Variants in C11orf21 observed in about 807,000 individuals in gnomAD.
The protein encoded by C11orf21 is uncharacterized protein C11orf21.
A neutral mutation model predicts 15.2 loss-of-function variants in C11orf21; 19 were observed. The ratio of observed to expected loss-of-function variants is 1.25; its 90% CI spans 0.87 to 1.84. The LOEUF is 1.84. C11orf21 is among the 40% of genes most tolerant of loss of function. The pLI is 0.00. For synonymous variants in C11orf21, 62 were observed against 66.8 expected (o/e 0.93, Z 0.35); for missense variants, 171 against 174.4 (o/e 0.98, Z 0.11).
At position 2,295,948 on chromosome 11, in the gene C11orf21, C is replaced by T. The variant is rs892600647; in HGVS notation, c.*2002G>A. On this transcript the variant is annotated 3_prime_UTR_variant, in exon 4 of 4. Coordinates refer to ENST00000381153, the MANE Select transcript of C11orf21 (RefSeq NM_001329958.2). The surrounding 1 kb of genome is among the most constrained non-coding windows in gnomAD (Gnocchi z 5.4). Reference sequence around the variant, plus strand: ...CTTTCACCAGATCAATGGCTGTAGACCAGGTGTCCGGGGATGCTTTGATTT... The same window carrying T: ...CTTTCACCAGATCAATGGCTGTAGATCAGGTGTCCGGGGATGCTTTGATTT... 7 of 152,260 alleles carry T rather than the reference C, an allele frequency of 4.6e-5. No homozygotes were observed. Among genetic ancestry groups the T allele is most frequent in the East Asian group, 1.9e-4 (1 of 5,184 alleles). The allele number at this position is 152,260 out of a possible 1,614,324, so 9.4% of individuals were successfully genotyped here. A position where few individuals can be genotyped will look rare whatever the true frequency, so the allele number is the denominator to read the frequency against.
At chr11:2,300,480 C>T (rs758704271) in intron 2 of C11orf21, 40 bp downstream of exon 2, 5 of 1,360,168 alleles carry the variant, frequency 3.7e-6, no homozygotes, top group Non-Finnish European at 5.0e-6. Context: ...GGCTCCCTGC[C>T]CCCGCTGGTG....
upstream of C11orf21, chr11:2,303,095 G>A: frequency 2.6e-6 from 2 of 758,466 alleles, no homozygotes; most frequent in South Asian, 1.8e-5. Flanking sequence ...GGGGCAGGGA[G>A]GGGCTGCCCT....
upstream of C11orf21, chr11:2,302,143 A>C: frequency 6.8e-7 from 1 of 1,468,798 alleles, no homozygotes; most frequent in Non-Finnish European, 9.0e-7. Context: ...AGAGGAGAGG[A>C]ACCGTCATGG....
rs945471268 is a variant in C11orf21 at position 2,300,838 on chromosome 11, A to G, written c.54-225T>C. On this transcript the variant is annotated intron_variant, in intron 1 of 3. Transcript: ENST00000381153. ...GAGAGGACGGGCTGCCCACTTGCAC[A>G]GCCCGGGGGCCTCCTGCCCCTAGAC... 2.4e-5 allele frequency: 35 copies of G among 1,444,314 alleles called. 1 individual carries two copies. The highest frequency in any genetic ancestry group is 3.1e-5 in the Non-Finnish European group (33 of 1,051,946). The allele number at this position is 1,444,314 out of a possible 1,614,324, so 89.5% of individuals were successfully genotyped here.
rs558084493 is a variant in C11orf21 at position 2,299,822 on chromosome 11, A to T, written c.148-115T>A. The T allele has an allele frequency of 2.8e-4, 168 of 608,816 alleles. No individual in the cohort carries two copies. In the African/African-American group the frequency reaches 2.8e-3, roughly 10 times the overall value. The allele number at this position is 608,816 out of a possible 1,614,324, so 37.7% of individuals were successfully genotyped here. ...GGTAAACACATATGCATGCACACAC[A>T]TCCACGTCTGCACACGCATCCACGC... On this transcript the variant is annotated intron_variant, in intron 2 of 3. Transcript: ENST00000381153.
At chr11:2,300,832 T>C in intron 1 of C11orf21, 1 of 1,474,162 alleles carries the variant, frequency 6.8e-7, no homozygotes, top group Non-Finnish European at 9.3e-7. Context: ...GGCTGCCCAC[T>C]TGCACAGCCC....
chr11:2,300,194 C>A (rs1393780962), intron 2 of C11orf21, among the ~76,000 whole-genome samples: 2 of 42,848 alleles, frequency 4.7e-5, no homozygotes, highest in Non-Finnish European at 8.4e-5. Flanking sequence ...TGAGGTTGGG[C>A]AGGGGCGTGT....
chr11:2,302,881 C>G, upstream of C11orf21: 1 of 1,613,676 alleles, frequency 6.2e-7, no homozygotes, highest in Non-Finnish European at 8.5e-7. Context: ...GTGACTCTTA[C>G]CTACTTCGGG....
chr11:2,299,964 G>A (rs1421929819), intron 2 of C11orf21, among the ~76,000 whole-genome samples: 2 of 150,736 alleles, frequency 1.3e-5, no homozygotes, highest in Non-Finnish European at 1.5e-5. Context: ...AGGCTCCTTG[G>A]TGGGGTAGGG....
At chr11:2,298,783 C>T (rs16928078) in intron 3 of C11orf21, among the ~76,000 whole-genome samples, 22,342 of 152,150 alleles carry the variant, frequency 0.15, 1,894 homozygotes, top group African/African-American at 0.24. Flanking sequence ...GTATCTGTGA[C>T]GCAGGTGTGG....
In C11orf21 at chr11:2,295,961, G is replaced by T. The variant is rs538653840; in HGVS notation, c.*1989C>A. Reference sequence around the variant, plus strand: ...AATGGCTGTAGACCAGGTGTCCGGGGATGCTTTGATTTGCCCCAGTGATCA... The same window carrying T: ...AATGGCTGTAGACCAGGTGTCCGGGTATGCTTTGATTTGCCCCAGTGATCA... On this transcript the variant is annotated 3_prime_UTR_variant, in exon 4 of 4. Transcript: ENST00000381153. This position sits in a 1 kb window ranked among gnomAD's most constrained non-coding sequence, Gnocchi z 5.4. 6.6e-6 allele frequency: 1 copy of T among 152,172 alleles called. No homozygotes were observed. Among genetic ancestry groups the T allele is most frequent in the Non-Finnish European group, 1.5e-5 (1 of 68,038 alleles). The allele number at this position is 152,172 out of a possible 1,614,324, so 9.4% of individuals were successfully genotyped here.
rs546102923 is a variant in C11orf21 at position 2,299,488 on chromosome 11, G to C, written c.367C>G (p.Arg123Gly). ...GGTAGAGGCTGCCACCTCCTGGCCC[G>C]AGGACACAGCTTTCCAGAGGAGGGG... ...AGPSSGKLCP[R>G]ARRWQPLPS The change falls in exon 3 of 4, where the codon CGG (arginine) becomes GGG (glycine). Residue 123 changes from arginine (R) to glycine (G), a missense_variant. Coordinates refer to ENST00000381153, the MANE Select transcript of C11orf21 (RefSeq NM_001329958.2). 1.3e-6 allele frequency: 2 copies of C among 1,550,244 alleles called. No individual in the cohort carries two copies. Among genetic ancestry groups the C allele is most frequent in the African/African-American group, 1.4e-5 (1 of 73,038 alleles).
chr11:2,300,866 G>A (rs545082618), intron 1 of C11orf21: 1 of 1,126,854 alleles, frequency 8.9e-7, no homozygotes, highest in South Asian at 1.4e-5. Flanking sequence ...CCCTAGACCT[G>A]GTACCTTCAC....
upstream of C11orf21, chr11:2,302,001 C>G: frequency 6.7e-7 from 1 of 1,503,136 alleles, no homozygotes; most frequent in Non-Finnish European, 8.8e-7. Flanking sequence ...GGGCACCCAG[C>G]AGCTCGGTCC....
At chr11:2,302,287 C>T (rs530261831), upstream of C11orf21, 271 of 1,320,580 alleles carry the variant, frequency 2.1e-4, 1 homozygote, top group African/African-American at 3.6e-3. Context: ...AGGGCCTCAG[C>T]ACAGGGATTA....
chr11:2,302,846 G>T, upstream of C11orf21: 1 of 1,613,146 alleles, frequency 6.2e-7, no homozygotes, highest in Non-Finnish European at 8.5e-7. Context: ...ATCCACAGCT[G>T]CTGGGCCTCT....
Position 2,299,666 on chromosome 11 carries a change from G to A in C11orf21, c.189C>T (p.Pro63=). Residue 63 remains proline (P), a synonymous_variant, in exon 3 of 4, where the codon CCC becomes CCT. Coordinates refer to ENST00000381153, the MANE Select transcript of C11orf21 (RefSeq NM_001329958.2). ...GTGGAACAAGGGCACCATGGGCGGA[G>A]GGTTGGGCAGCTGCAGGTGGCATCA... ...GSMMPPAAAQ[P]SAHGALVPPA... The A allele has an allele frequency of 6.4e-7, 1 of 1,551,168 alleles. No homozygotes were observed. Among genetic ancestry groups the A allele is most frequent in the East Asian group, 2.4e-5 (1 of 40,912 alleles).
intron 3 of C11orf21, among the ~76,000 whole-genome samples, 190 bp from the exon 4 acceptor site, chr11:2,298,111 G>A (rs1336860116): frequency 6.6e-6 from 1 of 152,188 alleles, no homozygotes; most frequent in African/African-American, 2.4e-5. Flanking sequence ...GCAGGAACAC[G>A]ATTCTGTCCA....
In C11orf21 at chr11:2,297,568, T is replaced by A. The variant is rs1306613452; in HGVS notation, c.*382A>T. Reference sequence around the variant, plus strand: ...GTGCTTCTGACCAGCACCGCTGGGGTTCTCAGGGCATCTACCCTTTCCGCT... The same window carrying A: ...GTGCTTCTGACCAGCACCGCTGGGGATCTCAGGGCATCTACCCTTTCCGCT... On this transcript the variant is annotated 3_prime_UTR_variant, in exon 4 of 4. Coordinates refer to ENST00000381153, the MANE Select transcript of C11orf21 (RefSeq NM_001329958.2). 6.6e-6 allele frequency: 1 copy of A among 152,300 alleles called. No homozygotes were observed. Among genetic ancestry groups the A allele is most frequent in the African/African-American group, 2.4e-5 (1 of 41,450 alleles). The allele number at this position is 152,300 out of a possible 1,614,324, so 9.4% of individuals were successfully genotyped here. A position where few individuals can be genotyped will look rare whatever the true frequency, so the allele number is the denominator to read the frequency against.
Sources: gnomAD v4.1 joint callset for allele counts (sites outside exome capture counted in the v4.1 genomes callset) on GRCh38, gnomAD v4.1.1 for gene constraint, Gnocchi (gnomAD v3.1) non-coding constraint, MANE v1.5 for transcripts, NCBI Gene and HGNC (gene_info 2026-07-23, HGNC 2026-07-21) for gene names.